The following CENPP variants were observed in gnomAD, a reference collection of about 807,000 sequenced individuals.
The protein encoded by CENPP is centromere protein P.
In CENPP, 24 loss-of-function variants were observed where a neutral mutation model predicts 35.6. That is an observed-to-expected ratio of 0.67 (90% confidence interval 0.49 to 0.95). The LOEUF (loss-of-function observed/expected upper bound fraction) is 0.95, where lower values mean the gene tolerates loss of function less well. Ranked by LOEUF, CENPP falls within the 40% of genes least tolerant of loss-of-function variation. CENPP has a pLI of 0.00. For synonymous variants in CENPP, 120 were observed against 125.5 expected (o/e 0.96, Z 0.29); for missense variants, 332 against 345.3 (o/e 0.96, Z 0.31).
intron 5 of CENPP, among the ~76,000 whole-genome samples, chr9:92,445,011 G>A (rs1263126767): frequency 2.0e-5 from 3 of 152,114 alleles, no homozygotes; most frequent in Non-Finnish European, 4.4e-5. Flanking sequence ...TAGGGCCAAC[G>A]TCTCCTATGG....
At chr9:92,383,673 G>A (rs895399591) in intron 5 of CENPP, among the ~76,000 whole-genome samples, 4 of 151,922 alleles carry the variant, frequency 2.6e-5, no homozygotes, top group Non-Finnish European at 4.4e-5. Context: ...ATATGAAGGT[G>A]TAAGGTATGC....
intron 5 of CENPP, among the ~76,000 whole-genome samples, chr9:92,497,096 T>G (rs1020110749): frequency 6.6e-6 from 1 of 152,206 alleles, no homozygotes; most frequent in Non-Finnish European, 1.5e-5. Flanking sequence ...CCCTTTGCAC[T>G]CTGCATTCCC....
At position 92,618,388 on chromosome 9, in the gene CENPP, G is replaced by A. The variant is rs1851513587; in HGVS notation, c.*5239G>A. ...TCCCCGCATGCTGGCTTTCCAATTT[G>A]ACATCACTGACCAGGCACTAAGAGA... is the stretch of plus-strand genomic sequence containing the variant. On this transcript the variant is annotated 3_prime_UTR_variant, in exon 8 of 8. Coordinates refer to ENST00000375587, the MANE Select transcript of CENPP (RefSeq NM_001012267.3). 1 of 456,590 alleles carries A rather than the reference G, an allele frequency of 2.2e-6. No individual in the cohort carries two copies. Among genetic ancestry groups the A allele is most frequent in the Non-Finnish European group, 4.4e-6 (1 of 226,940 alleles). 28.3% of individuals were successfully genotyped at this position (456,590 alleles called of 1,614,324 possible).
intron 5 of CENPP, among the ~76,000 whole-genome samples, chr9:92,564,388 C>CAA (rs776245671): frequency 7.6e-6 from 1 of 131,418 alleles, no homozygotes; most frequent in Non-Finnish European, 1.6e-5. Flanking sequence ...GACTCTGTCT[C>CAA]AAAAAAAAAA....
chr9:92,488,783 G>C (rs1341559261), intron 5 of CENPP, among the ~76,000 whole-genome samples: 1 of 152,122 alleles, frequency 6.6e-6, no homozygotes, highest in African/African-American at 2.4e-5. Flanking sequence ...TTTGACCACA[G>C]AGATTCTGTT....
At chr9:92,485,057 A>C (rs1196813517) in intron 5 of CENPP, among the ~76,000 whole-genome samples, 1 of 152,220 alleles carries the variant, frequency 6.6e-6, no homozygotes, top group Non-Finnish European at 1.5e-5. Flanking sequence ...ACCCTCCACC[A>C]TCTTGGGGCT....
intron 5 of CENPP, among the ~76,000 whole-genome samples, chr9:92,428,164 G>A (rs946776124): frequency 9.2e-5 from 14 of 152,278 alleles, no homozygotes; most frequent in Admixed American, 2.0e-4. Context: ...GAGGAGCAGA[G>A]GCTCCTGAAT....
At chr9:92,609,121 CTT>C (rs1415804501) in intron 5 of CENPP, among the ~76,000 whole-genome samples, 1 of 152,274 alleles carries the variant, frequency 6.6e-6, no homozygotes, top group African/African-American at 2.4e-5. Context: ...ACTTAAATCA[CTT>C]AGGTATACAT....
At chr9:92,330,833 C>T (rs1840722836) in intron 1 of CENPP, among the ~76,000 whole-genome samples, 1 of 151,752 alleles carries the variant, frequency 6.6e-6, no homozygotes, top group Non-Finnish European at 1.5e-5. Flanking sequence ...GGATTACAGG[C>T]ACCCGCCACC....
chr9:92,471,409 C>G (rs1302844171), intron 5 of CENPP, among the ~76,000 whole-genome samples: 1 of 151,850 alleles, frequency 6.6e-6, no homozygotes, highest in East Asian at 1.9e-4. Flanking sequence ...GTTGGTCAGG[C>G]TGGTCTCAGA....
At chr9:92,463,609 C>G (rs1251571582) in intron 5 of CENPP, among the ~76,000 whole-genome samples, 1 of 152,208 alleles carries the variant, frequency 6.6e-6, no homozygotes, top group Non-Finnish European at 1.5e-5. Flanking sequence ...CTGTCCTCCT[C>G]TCCTCCCTCT....
intron 2 of CENPP, among the ~76,000 whole-genome samples, chr9:92,337,144 C>G (rs939954135): frequency 3.3e-5 from 5 of 152,118 alleles, no homozygotes; most frequent in East Asian, 1.9e-4. Flanking sequence ...ATGGTGAAAC[C>G]CTGTCTCTAC....
intron 5 of CENPP, chr9:92,386,405 A>T (rs1038211531): frequency 1.9e-5 from 13 of 687,690 alleles, no homozygotes; most frequent in Middle Eastern, 4.9e-4. Flanking sequence ...ACAGACTTGC[A>T]TATTGATATG....
At chr9:92,606,970 T>C (rs950867111) in intron 5 of CENPP, among the ~76,000 whole-genome samples, 2 of 151,812 alleles carry the variant, frequency 1.3e-5, no homozygotes, top group African/African-American at 2.4e-5. Context: ...CTCAAAATAA[T>C]AACAATAATA....
intron 5 of CENPP, among the ~76,000 whole-genome samples, chr9:92,471,228 G>A (rs1433767556): frequency 1.3e-5 from 2 of 148,640 alleles, no homozygotes; most frequent in Non-Finnish European, 1.5e-5. Context: ...ATGGAGTCTC[G>A]CTCTGTTGCC....
intron 5 of CENPP, among the ~76,000 whole-genome samples, chr9:92,513,671 G>A (rs1026588840): frequency 6.6e-6 from 1 of 152,224 alleles, no homozygotes; most frequent in Non-Finnish European, 1.5e-5. Flanking sequence ...TTAGAAGCCA[G>A]TCTGAAAGGG....
chr9:92,339,279 T>C (rs144028144), intron 3 of CENPP, among the ~76,000 whole-genome samples: 113 of 152,322 alleles, frequency 7.4e-4, no homozygotes, highest in African/African-American at 2.7e-3. Flanking sequence ...ACAAAAACAG[T>C]CCCAAGTTTC....
At position 92,503,602 on chromosome 9, in the gene CENPP, T is replaced by A. The variant is rs575500734; in HGVS notation, c.565-107712T>A. Reference sequence around the variant, plus strand: ...TAAGTTTAGTTGGCATTAGAGGGAGTTTTTCACTAAAGGATCTGCATTATA... The same window carrying A: ...TAAGTTTAGTTGGCATTAGAGGGAGATTTTCACTAAAGGATCTGCATTATA... On this transcript the variant is annotated intron_variant, in intron 5 of 7. Coordinates refer to ENST00000375587, the MANE Select transcript of CENPP (RefSeq NM_001012267.3). 4.9e-3 allele frequency among the ~76,000 whole-genome samples: 745 copies of A among 152,034 alleles called. 6 individuals carry two copies. The highest frequency in any genetic ancestry group is 0.017 in the African/African-American group (724 of 41,458).
Position 92,474,484 on chromosome 9 carries a change from G to A in CENPP, c.564+94625G>A, listed in dbSNP as rs565356062. ...GTTTGGATGTACTTTGGGGTTTGCT[G>A]TACTTTCCACCTAAAAACTTAAATG... On this transcript the variant is annotated intron_variant, in intron 5 of 7. Transcript: ENST00000375587. 1.6e-5 allele frequency: 20 copies of A among 1,258,296 alleles called. No individual in the cohort carries two copies. In the South Asian group the frequency reaches 3.1e-4, roughly 19 times the overall value. 77.9% of individuals were successfully genotyped at this position (1,258,296 alleles called of 1,614,324 possible). A position where few individuals can be genotyped will look rare whatever the true frequency, so the allele number is the denominator to read the frequency against.
Sources: gnomAD v4.1 joint callset for allele counts (sites outside exome capture counted in the v4.1 genomes callset) on GRCh38, gnomAD v4.1.1 for gene constraint, MANE v1.5 for transcripts, NCBI Gene and HGNC (gene_info 2026-07-23, HGNC 2026-07-21) for gene names.